Variants in PACRG observed in about 807,000 individuals in gnomAD.
The protein encoded by PACRG is parkin coregulated gene protein.
In PACRG, 29 loss-of-function variants were observed where a neutral mutation model predicts 29.7. The observed-to-expected ratio is 0.98, with a 90% CI of 0.73 to 1.33. PACRG has a LOEUF of 1.33. Ranked by LOEUF, PACRG falls within the 40% of genes most tolerant of loss-of-function variation. The pLI is 0.00. For missense variants in PACRG, 279 were observed against 316.2 expected (o/e 0.88, Z 0.89); for synonymous variants, 116 against 118.7 (o/e 0.98, Z 0.15).
At chr6:163,257,051 CCTAT>C (rs1428001779) in intron 4 of PACRG, among the ~76,000 whole-genome samples, 1 of 152,042 alleles carries the variant, frequency 6.6e-6, no homozygotes, top group African/African-American at 2.4e-5. Context: ...GGCGTCTCTG[CCTAT>C]CTGTCTCTTA....
intron 2 of PACRG, among the ~76,000 whole-genome samples, chr6:162,939,379 C>T (rs775148713): frequency 1.3e-5 from 2 of 152,058 alleles, no homozygotes; most frequent in Non-Finnish European, 2.9e-5. Context: ...AAAGCAAATG[C>T]AATAAAAACA....
At chr6:163,021,027 C>T (rs948269726) in intron 2 of PACRG, among the ~76,000 whole-genome samples, 1 of 152,196 alleles carries the variant, frequency 6.6e-6, no homozygotes, top group African/African-American at 2.4e-5. Flanking sequence ...CCTGTGCCTG[C>T]CCGTCCTGGG....
At chr6:163,292,728 A>G (rs12332895) in intron 4 of PACRG, among the ~76,000 whole-genome samples, 21,611 of 152,082 alleles carry the variant, frequency 0.14, 2,999 homozygotes, top group African/African-American at 0.36. Flanking sequence ...CCAGTCCCCA[A>G]TGGTTGTTTT....
chr6:163,308,527 A>C (rs998444360), intron 4 of PACRG, among the ~76,000 whole-genome samples: 1 of 152,152 alleles, frequency 6.6e-6, no homozygotes, highest in Non-Finnish European at 1.5e-5. Context: ...TTAGCTGGGC[A>C]TCGTGATGCA....
chr6:162,832,982 A>G (rs886159442), intron 2 of PACRG, among the ~76,000 whole-genome samples: 15 of 152,118 alleles, frequency 9.9e-5, no homozygotes, highest in African/African-American at 3.6e-4. Context: ...TAATTTATGA[A>G]ATGAAGATTT....
At chr6:163,078,846 G>A (rs1438036238) in intron 3 of PACRG, among the ~76,000 whole-genome samples, 2 of 152,106 alleles carry the variant, frequency 1.3e-5, no homozygotes, top group Admixed American at 1.3e-4. Context: ...CAAAGCACAG[G>A]ACACAGCAGG....
intron 4 of PACRG, among the ~76,000 whole-genome samples, chr6:163,227,344 G>A (rs1157940418): frequency 6.6e-6 from 1 of 152,098 alleles, no homozygotes; most frequent in African/African-American, 2.4e-5. Flanking sequence ...ACTAGGGCAG[G>A]GATGGCACCC....
chr6:163,065,554 T>C (rs1464803237), intron 3 of PACRG, among the ~76,000 whole-genome samples: 1 of 152,100 alleles, frequency 6.6e-6, no homozygotes, highest in African/African-American at 2.4e-5. Context: ...GTAGCAACAC[T>C]GCAGCCACAG....
At chr6:162,855,776 T>C (rs1459110664) in intron 2 of PACRG, among the ~76,000 whole-genome samples, 2 of 152,198 alleles carry the variant, frequency 1.3e-5, no homozygotes, top group African/African-American at 4.8e-5. Context: ...TTTTCTCCAC[T>C]GGAGATGCCT....
At chr6:163,150,999 A>C (rs928453691) in intron 4 of PACRG, among the ~76,000 whole-genome samples, 1 of 152,230 alleles carries the variant, frequency 6.6e-6, no homozygotes, top group African/African-American at 2.4e-5. Context: ...TAAGATTGAA[A>C]TATATTAAAT....
intron 2 of PACRG, among the ~76,000 whole-genome samples, chr6:163,027,637 A>G (rs796433456): frequency 1.2e-4 from 18 of 152,210 alleles, no homozygotes; most frequent in African/African-American, 2.9e-4. Flanking sequence ...ACCCAACCCC[A>G]CAGATACAGA....
intron 4 of PACRG, among the ~76,000 whole-genome samples, chr6:163,235,630 G>A (rs1168036483): frequency 6.6e-6 from 1 of 152,172 alleles, no homozygotes; most frequent in African/African-American, 2.4e-5. Flanking sequence ...TCAACAGCTT[G>A]CCAGCACCTA....
chr6:163,127,762 C>T (rs1442331604), intron 4 of PACRG, among the ~76,000 whole-genome samples: 2 of 152,192 alleles, frequency 1.3e-5, no homozygotes, highest in African/African-American at 4.8e-5. Context: ...CTCACCATGT[C>T]ATCAGGACAC....
intron 4 of PACRG, among the ~76,000 whole-genome samples, chr6:163,090,054 T>C (rs1030696225): frequency 1.3e-5 from 2 of 149,468 alleles, no homozygotes; most frequent in African/African-American, 2.5e-5. Flanking sequence ...TGAAGTTCCG[T>C]ACTTCTCACA....
intron 4 of PACRG, among the ~76,000 whole-genome samples, chr6:163,100,271 G>T (rs776194224): frequency 6.6e-6 from 1 of 152,110 alleles, no homozygotes; most frequent in Non-Finnish European, 1.5e-5. Flanking sequence ...ATCACGCAGG[G>T]TCAAAAATGC....
chr6:163,212,841 C>T (rs1003730093), intron 4 of PACRG, among the ~76,000 whole-genome samples: 4 of 151,390 alleles, frequency 2.6e-5, no homozygotes, highest in South Asian at 2.1e-4. Context: ...TGCAGTGGCA[C>T]GATCTCGGCT....
intron 4 of PACRG, among the ~76,000 whole-genome samples, chr6:163,154,736 A>G (rs1364043675): frequency 1.3e-5 from 2 of 152,236 alleles, no homozygotes; most frequent in African/African-American, 4.8e-5. Context: ...TTATACTAAA[A>G]ATCTTTTTGT....
At chr6:163,223,336 G>C (rs1477319128) in intron 4 of PACRG, among the ~76,000 whole-genome samples, 2 of 152,216 alleles carry the variant, frequency 1.3e-5, no homozygotes, top group African/African-American at 4.8e-5. Context: ...AGAGGTTGCA[G>C]TAAGCCGAGA....
intron 2 of PACRG, among the ~76,000 whole-genome samples, chr6:162,847,768 C>T (rs773311445): frequency 6.6e-6 from 1 of 151,876 alleles, no homozygotes; most frequent in Non-Finnish European, 1.5e-5. Flanking sequence ...TTCTGAATAA[C>T]CTGAACAAGG....
Sources: gnomAD v4.1 joint callset for allele counts (sites outside exome capture counted in the v4.1 genomes callset) on GRCh38, gnomAD v4.1.1 for gene constraint, MANE v1.5 for transcripts, NCBI Gene and HGNC (gene_info 2026-07-23, HGNC 2026-07-21) for gene names.